Variants in PRKG1 observed in about 807,000 individuals in gnomAD.
PRKG1 encodes the protein protein kinase cGMP-dependent 1.
Under a neutral mutation model 88.1 loss-of-function variants are expected in PRKG1, and 35 were observed. The ratio of observed to expected loss-of-function variants is 0.40; its 90% CI spans 0.30 to 0.53. PRKG1 has a LOEUF of 0.53. Among genes scored for constraint, PRKG1 ranks in the 20% least tolerant of loss-of-function variants. PRKG1 has a pLI of 0.59. For missense variants in PRKG1, 540 were observed against 839.8 expected, an observed-to-expected ratio of 0.64 and a Z score of 4.41; for synonymous variants, 303 against 292.5, an observed-to-expected ratio of 1.04 and a Z score of -0.37.
At chr10:52,010,443 TA>T (rs772818024) in intron 5 of PRKG1, among the ~76,000 whole-genome samples, 2 of 152,044 alleles carry the variant, frequency 1.3e-5, no homozygotes, top group African/African-American at 4.8e-5. Flanking sequence ...AATACGCATA[TA>T]AAAAATGCTC....
At chr10:52,083,199 T>C (rs147204185) in intron 7 of PRKG1, among the ~76,000 whole-genome samples, 3 of 152,222 alleles carry the variant, frequency 2.0e-5, no homozygotes, top group Middle Eastern at 3.4e-3. Context: ...TTACTTAATT[T>C]GATGTTTTTC....
chr10:51,369,076 AG>A (rs1292476748), intron 2 of PRKG1, among the ~76,000 whole-genome samples: 2 of 152,126 alleles, frequency 1.3e-5, no homozygotes, highest in Non-Finnish European at 2.9e-5. Flanking sequence ...TCGAAGCCCA[AG>A]GCTCGTGTTT....
At chr10:51,865,357 A>G (rs4935287) in intron 4 of PRKG1, among the ~76,000 whole-genome samples, 27,948 of 152,010 alleles carry the variant, frequency 0.18, 3,151 homozygotes, top group East Asian at 0.46. Flanking sequence ...CAACATAGGT[A>G]TAATTTACAA....
chr10:52,026,751 C>G (rs975433710), intron 5 of PRKG1, among the ~76,000 whole-genome samples: 5 of 152,068 alleles, frequency 3.3e-5, no homozygotes, highest in African/African-American at 1.2e-4. Flanking sequence ...CCGAGGCACG[C>G]GGATCACCAA....
chr10:51,055,846 C>A (rs1391874253), intron 1 of PRKG1, among the ~76,000 whole-genome samples: 1 of 152,148 alleles, frequency 6.6e-6, no homozygotes, highest in Non-Finnish European at 1.5e-5. Flanking sequence ...TCTCTCCATC[C>A]CATCTTAGTA....
At chr10:51,562,139 G>A (rs778614205) in intron 3 of PRKG1, among the ~76,000 whole-genome samples, 15 of 151,652 alleles carry the variant, frequency 9.9e-5, no homozygotes, top group South Asian at 8.3e-4. Flanking sequence ...CAGGAGAATC[G>A]CTTGAGCCCA....
intron 5 of PRKG1, among the ~76,000 whole-genome samples, chr10:51,989,850 CT>C (rs897457564): frequency 2.6e-5 from 4 of 152,086 alleles, no homozygotes; most frequent in Non-Finnish European, 5.9e-5. Context: ...GTTGCCTATG[CT>C]TTTGGGCCCT....
intron 2 of PRKG1, chr10:51,302,838 G>T (rs1840928702): frequency 6.6e-6 from 1 of 152,168 alleles, no homozygotes; most frequent in Non-Finnish European, 1.5e-5. Flanking sequence ...AGTCTATAAA[G>T]AAGGTACTAT....
At chr10:51,098,826 C>T in intron 1 of PRKG1, among the ~76,000 whole-genome samples, 1 of 152,100 alleles carries the variant, frequency 6.6e-6, no homozygotes, top group East Asian at 1.9e-4. Context: ...CTTTTGCTTC[C>T]AATAGCCTGC....
At chr10:52,193,407 G>A (rs923238335) in intron 9 of PRKG1, among the ~76,000 whole-genome samples, 7 of 151,582 alleles carry the variant, frequency 4.6e-5, no homozygotes, top group Non-Finnish European at 7.4e-5. Context: ...AATTAGCCAC[G>A]CATGGTGGCA....
intron 5 of PRKG1, among the ~76,000 whole-genome samples, chr10:52,044,569 T>C (rs561004534): frequency 3.5e-4 from 53 of 152,314 alleles, no homozygotes; most frequent in African/African-American, 1.2e-3. Flanking sequence ...GTATTTATTT[T>C]ATCAAAGTGT....
chr10:51,019,208 A>G (rs1432843224), intron 1 of PRKG1, among the ~76,000 whole-genome samples: 1 of 152,202 alleles, frequency 6.6e-6, no homozygotes. Context: ...TATAAAATAT[A>G]ATATTATAGT....
At chr10:51,614,019 T>C (rs1838980703) in intron 3 of PRKG1, among the ~76,000 whole-genome samples, 1 of 151,968 alleles carries the variant, frequency 6.6e-6, no homozygotes, top group South Asian at 2.1e-4. Flanking sequence ...TCGTCTAAAG[T>C]CCAGTTTAAG....
chr10:51,490,455 T>C (rs1031943479), intron 3 of PRKG1, among the ~76,000 whole-genome samples: 1 of 152,158 alleles, frequency 6.6e-6, no homozygotes, highest in Non-Finnish European at 1.5e-5. Flanking sequence ...CAAGAATCAC[T>C]GTGTTCTCAA....
intron 7 of PRKG1, among the ~76,000 whole-genome samples, chr10:52,123,920 T>C (rs980424659): frequency 2.0e-5 from 3 of 152,186 alleles, no homozygotes; most frequent in African/African-American, 7.2e-5. Context: ...CTATGGTCTC[T>C]GCCTTCTTTT....
At chr10:50,997,167 G>A (rs566462077) in intron 1 of PRKG1, among the ~76,000 whole-genome samples, 1 of 152,252 alleles carries the variant, frequency 6.6e-6, no homozygotes, top group East Asian at 1.9e-4. Flanking sequence ...AGAAAATTTG[G>A]GTTGTTTGTT....
intron 4 of PRKG1, among the ~76,000 whole-genome samples, chr10:51,822,742 A>G (rs1839781396): frequency 1.3e-5 from 2 of 152,170 alleles, no homozygotes; most frequent in South Asian, 2.1e-4. Flanking sequence ...AGTCAGTCCA[A>G]TGTGGTCATC....
intron 12 of PRKG1, among the ~76,000 whole-genome samples, chr10:52,277,555 G>A (rs1009390917): frequency 5.3e-5 from 8 of 152,078 alleles, no homozygotes; most frequent in African/African-American, 1.9e-4. Context: ...CAGTGAGATA[G>A]TTACTGTTAT....
chr10:52,087,208 T>C (rs1349581221), intron 7 of PRKG1, among the ~76,000 whole-genome samples: 1 of 152,250 alleles, frequency 6.6e-6, no homozygotes, highest in East Asian at 1.9e-4. Flanking sequence ...GGGTATCTTG[T>C]AAACTTTTGA....
Sources: allele counts gnomAD v4.1 joint callset (sites outside exome capture counted in the v4.1 genomes callset), GRCh38; gene constraint gnomAD v4.1.1; transcripts MANE v1.5; gene names NCBI Gene and HGNC (gene_info 2026-07-23, HGNC 2026-07-21).